TNS3: variants seen among roughly 807,000 people sequenced by gnomAD.
TNS3 encodes tensin-3.
Under a neutral mutation model 140.9 loss-of-function variants are expected in TNS3, and 45 were observed. The observed-to-expected ratio is 0.32, with a 90% CI of 0.25 to 0.41. The LOEUF (loss-of-function observed/expected upper bound fraction) is 0.41. TNS3 is among the 10% of genes least tolerant of loss of function. TNS3 has a pLI of 1.00. For synonymous variants in TNS3, 815 were observed against 788.4 expected, an observed-to-expected ratio of 1.03 and a Z score of -0.56; for missense variants, 1,716 against 1,906.7, an observed-to-expected ratio of 0.90 and a Z score of 1.86.
intron 13 of TNS3, among the ~76,000 whole-genome samples, chr7:47,405,826 A>G (rs2151377923): frequency 6.6e-6 from 1 of 152,296 alleles, no homozygotes; most frequent in Non-Finnish European, 1.5e-5. Context: ...TTTGTTTGTG[A>G]AAACTTCTTG....
At chr7:47,400,994 G>T in intron 13 of TNS3, 80 bp from the exon 14 acceptor site, 1 of 1,579,350 alleles carries the variant, frequency 6.3e-7, no homozygotes, top group Admixed American at 1.7e-5. Context: ...CTCCGCGGAG[G>T]CCGGCACAGC....
chr7:47,368,207 G>A (rs1181248546), intron 17 of TNS3, among the ~76,000 whole-genome samples, 158 bp downstream of exon 17: 1 of 152,154 alleles, frequency 6.6e-6, no homozygotes, highest in Non-Finnish European at 1.5e-5. Flanking sequence ...ACAGCATTTG[G>A]ATCCTAGGCC....
chr7:47,389,819 G>T (rs1006118685), intron 16 of TNS3, among the ~76,000 whole-genome samples: 3 of 152,244 alleles, frequency 2.0e-5, no homozygotes, highest in Admixed American at 2.0e-4. Flanking sequence ...AAGGCTTGCT[G>T]CCTCAATTCA....
At chr7:47,415,996 C>T (rs1237498095) in intron 10 of TNS3, among the ~76,000 whole-genome samples, 1 of 152,240 alleles carries the variant, frequency 6.6e-6, no homozygotes, top group East Asian at 1.9e-4. Flanking sequence ...TGACGCTTCC[C>T]TGGCCTGTCC....
chr7:47,282,265 GTGAGCCATGCAGC>G (rs1188133860), intron 28 of TNS3, among the ~76,000 whole-genome samples: 2 of 148,940 alleles, frequency 1.3e-5, no homozygotes, highest in African/African-American at 5.0e-5. Flanking sequence ...GGGACCCTGG[GTGAGCCATGCAGC>G]TGAGCCATGC....
At chr7:47,474,874 C>T (rs1270381974) in intron 4 of TNS3, among the ~76,000 whole-genome samples, 1 of 145,936 alleles carries the variant, frequency 6.9e-6, no homozygotes, top group East Asian at 2.1e-4. Flanking sequence ...CACAACACTT[C>T]ACACACAACA....
chr7:47,577,674 C>G (rs572885139), intron 1 of TNS3, among the ~76,000 whole-genome samples: 1 of 152,366 alleles, frequency 6.6e-6, no homozygotes, highest in South Asian at 2.1e-4. Flanking sequence ...GGATGGCATA[C>G]ATGCACGGTT....
intron 17 of TNS3, among the ~76,000 whole-genome samples, chr7:47,354,030 CACAA>C (rs1449068355): frequency 7.3e-6 from 1 of 136,480 alleles, no homozygotes; most frequent in African/African-American, 2.6e-5. Context: ...CACACACACA[CACAA>C]ATTCCAAGGT....
intron 17 of TNS3, among the ~76,000 whole-genome samples, chr7:47,347,825 T>A (rs1036794059): frequency 6.6e-6 from 1 of 152,224 alleles, no homozygotes; most frequent in African/African-American, 2.4e-5. Flanking sequence ...CCTCACCAGC[T>A]GCAGGACATC....
chr7:47,528,796 C>G (rs1799290858), intron 2 of TNS3, among the ~76,000 whole-genome samples: 1 of 152,232 alleles, frequency 6.6e-6, no homozygotes. Flanking sequence ...TTACAAATTG[C>G]TGCCTCCTCT....
chr7:47,277,977 G>T lies in TNS3; in HGVS notation c.*99C>A. The T allele has an allele frequency of 7.4e-7, 1 of 1,357,294 alleles. No homozygotes were observed. The highest frequency in any genetic ancestry group is 1.0e-6 in the Non-Finnish European group (1 of 955,408). The allele number at this position is 1,357,294 out of a possible 1,614,324, so 84.1% of individuals were successfully genotyped here. ...TCCCCTCATGGGCCTGGAATGTCAG[G>T]TTTACTAGTTTGGTAAAAAGTGGGG... On this transcript the variant is annotated 3_prime_UTR_variant, in exon 31 of 31. Coordinates refer to ENST00000311160, the MANE Select transcript of TNS3 (RefSeq NM_022748.12).
rs563260507 is a variant in TNS3, at chr7:47,376,797, G to A, written c.1025-7176C>T. On this transcript the variant is annotated intron_variant, in intron 16 of 30. Coordinates refer to ENST00000311160, the MANE Select transcript of TNS3 (RefSeq NM_022748.12). ...ACTCACTCTTCAGAGACTATTAAGT[G>A]CTTTGTGCTTTCCTCCCTAACTCCT... Among the ~76,000 whole-genome samples, 4 of 148,842 alleles carry A rather than the reference G, an allele frequency of 2.7e-5. No individual in the cohort carries two copies. In the East Asian group the frequency reaches 7.9e-4, roughly 29 times the overall value.
chr7:47,511,063 G>A (rs74792460), intron 2 of TNS3, among the ~76,000 whole-genome samples: 1,785 of 152,324 alleles, frequency 0.012, 19 homozygotes, highest in African/African-American at 0.021. Context: ...GTTCCACACC[G>A]GGTAAAAGAT....
chr7:47,435,566 C>T (rs1387985449), intron 7 of TNS3, among the ~76,000 whole-genome samples, 162 bp from the exon 8 acceptor site: 1 of 152,196 alleles, frequency 6.6e-6, no homozygotes, highest in African/African-American at 2.4e-5. Flanking sequence ...CAACTTCCTT[C>T]ACTGGGAAGA....
At chr7:47,424,669 C>T (rs1278396005) in intron 9 of TNS3, among the ~76,000 whole-genome samples, 1 of 152,170 alleles carries the variant, frequency 6.6e-6, no homozygotes, top group African/African-American at 2.4e-5. Context: ...AACAGACACC[C>T]CCATGAAGTC....
chr7:47,358,189 G>A (rs190338371), intron 17 of TNS3, among the ~76,000 whole-genome samples: 1 of 152,118 alleles, frequency 6.6e-6, no homozygotes, highest in Non-Finnish European at 1.5e-5. Flanking sequence ...CTAGGCTGGA[G>A]TGAAATGGTA....
intron 16 of TNS3, among the ~76,000 whole-genome samples, chr7:47,385,488 C>T (rs1792023247): frequency 1.3e-5 from 2 of 152,166 alleles, no homozygotes; most frequent in Admixed American, 6.5e-5. Flanking sequence ...ACTGCCGATG[C>T]TCAGAGAGGC....
chr7:47,298,162 T>C (rs539548015), intron 23 of TNS3, among the ~76,000 whole-genome samples: 2 of 152,338 alleles, frequency 1.3e-5, no homozygotes, highest in East Asian at 3.9e-4. Flanking sequence ...TTAATACAAA[T>C]TCCAAGATTC....
Position 47,321,366 on chromosome 7 carries a change from A to G in TNS3, c.2651-16363T>C, listed in dbSNP as rs114230673. Among the ~76,000 whole-genome samples the G allele has an allele frequency of 4.3e-3, 651 of 152,174 alleles. 4 individuals are homozygous for G. The highest frequency in any genetic ancestry group is 0.015 in the African/African-American group (608 of 41,512). On this transcript the variant is annotated intron_variant, in intron 20 of 30. Transcript: ENST00000311160. ...ATGGGCAGCGTCTCCACGGTCATGCACCATGCCACTGGCTTCTGGACCCCG... is the reference window on the plus strand; with the variant it reads ...ATGGGCAGCGTCTCCACGGTCATGCGCCATGCCACTGGCTTCTGGACCCCG...
Sources: allele counts gnomAD v4.1 joint callset (sites outside exome capture counted in the v4.1 genomes callset), GRCh38; gene constraint gnomAD v4.1.1; transcripts MANE v1.5; gene names NCBI Gene and HGNC (gene_info 2026-07-23, HGNC 2026-07-21).